Variants in ADAM22 observed in about 807,000 individuals in gnomAD.
The protein encoded by ADAM22 is ADAM metallopeptidase domain 22.
ADAM22 carries 65 observed loss-of-function variants against 144.6 expected under a neutral mutation model. The observed-to-expected ratio is 0.45, with a 90% CI of 0.37 to 0.55. The LOEUF is 0.55. Ranked by LOEUF, ADAM22 falls within the 20% of genes least tolerant of loss-of-function variation. ADAM22 has a pLI of 0.00. For synonymous variants in ADAM22, 391 were observed against 412.6 expected (o/e 0.95, Z 0.63); for missense variants, 974 against 1,184.9 (o/e 0.82, Z 2.61).
At chr7:88,135,389 A>G (rs532234337) in intron 13 of ADAM22, among the ~76,000 whole-genome samples, 7 of 151,704 alleles carry the variant, frequency 4.6e-5, no homozygotes, top group African/African-American at 1.7e-4. Flanking sequence ...TTAATTCTCC[A>G]GGTAATTCTA....
chr7:88,117,213 C>G (rs944004688), intron 7 of ADAM22, among the ~76,000 whole-genome samples: 1 of 152,064 alleles, frequency 6.6e-6, no homozygotes, highest in African/African-American at 2.4e-5. Context: ...TAAGAAAGAA[C>G]TATTATGGGT....
Position 88,006,196 on chromosome 7 carries a change from A to G in ADAM22, c.323+27784A>G, listed in dbSNP as rs189052217. Among the ~76,000 whole-genome samples, 22 of 152,286 alleles carry G rather than the reference A, an allele frequency of 1.4e-4. No homozygotes were observed. The East Asian group carries it at 3.9e-3, about 27-fold the overall frequency. ...GACACATACACTCTCCCAATACTAA[A>G]CCAGGAAGAAGTTGAATCTCTGAAT... On this transcript the variant is annotated intron_variant, in intron 3 of 31. Transcript: ENST00000413139.
chr7:88,121,937 G>T (rs1829407359), intron 7 of ADAM22, among the ~76,000 whole-genome samples: 1 of 152,146 alleles, frequency 6.6e-6, no homozygotes, highest in Non-Finnish European at 1.5e-5. Context: ...GAAAGTAGCT[G>T]AGTAATAAAT....
intron 27 of ADAM22, among the ~76,000 whole-genome samples, chr7:88,180,667 T>A (rs561154360): frequency 1.3e-5 from 2 of 152,222 alleles, no homozygotes; most frequent in South Asian, 4.1e-4. Context: ...TATAAAAGAG[T>A]TTAAAATATC....
At chr7:88,108,123 C>T (rs1824936245) in intron 4 of ADAM22, 53 bp from the exon 5 acceptor site, 1 of 1,456,970 alleles carries the variant, frequency 6.9e-7, no homozygotes, top group South Asian at 1.2e-5. Flanking sequence ...TGAAATGAAG[C>T]AGCTGATTCT....
intron 2 of ADAM22, among the ~76,000 whole-genome samples, chr7:87,963,672 G>A (rs932723586): frequency 6.6e-6 from 1 of 152,166 alleles, no homozygotes; most frequent in Admixed American, 6.5e-5. Context: ...GAAGAAAACA[G>A]TATCTGAGCC....
rs539074314 is a variant in ADAM22, at chr7:88,060,329, C to T, written c.324-15297C>T. On this transcript the variant is annotated intron_variant, in intron 3 of 31. Coordinates refer to ENST00000413139, the MANE Select transcript of ADAM22 (RefSeq NM_001324418.2). ...TGAGATGCTGTTTGATAGCAATTTA[C>T]GCATAGCAGAACTTCTTTCAGATTT... 9.2e-5 allele frequency among the ~76,000 whole-genome samples: 14 copies of T among 152,290 alleles called. No homozygotes were observed. The South Asian group carries it at 2.1e-3, about 23-fold the overall frequency.
At chr7:88,177,647 G>A (rs1846009318) in intron 26 of ADAM22, among the ~76,000 whole-genome samples, 1 of 152,064 alleles carries the variant, frequency 6.6e-6, no homozygotes, top group Non-Finnish European at 1.5e-5. Flanking sequence ...CAGATTCACA[G>A]ACGTGTGTAA....
At chr7:88,139,394 G>T (rs1162839465) in intron 14 of ADAM22, among the ~76,000 whole-genome samples, 2 of 150,952 alleles carry the variant, frequency 1.3e-5, no homozygotes, top group Non-Finnish European at 2.9e-5. Flanking sequence ...CTCCAGCCTG[G>T]GTGACAAGAG....
At chr7:87,973,202 G>A (rs929087369) in intron 2 of ADAM22, among the ~76,000 whole-genome samples, 2 of 151,944 alleles carry the variant, frequency 1.3e-5, no homozygotes, top group African/African-American at 4.8e-5. Context: ...TCTGACAAAG[G>A]GCTAATATCC....
chr7:88,129,762 C>A (rs1329837698), intron 9 of ADAM22, among the ~76,000 whole-genome samples: 1 of 152,012 alleles, frequency 6.6e-6, no homozygotes, highest in Non-Finnish European at 1.5e-5. Flanking sequence ...CTAAGGGGAG[C>A]AACTGCCTCT....
rs78577797 is a variant in ADAM22, at chr7:87,947,731, G to A, written c.246+12545G>A. ...ACTTGCGGTCTTTGATGAGTGTTTT[G>A]GGTGTTTTCTTAAGTGTTCTGATTA... On this transcript the variant is annotated intron_variant, in intron 2 of 31. Coordinates refer to ENST00000413139, the MANE Select transcript of ADAM22 (RefSeq NM_001324418.2). Among the ~76,000 whole-genome samples, 801 of 152,156 alleles carry A rather than the reference G, an allele frequency of 5.3e-3. 3 individuals are homozygous for A. The highest frequency in any genetic ancestry group is 0.019 in the African/African-American group (772 of 41,498).
At chr7:88,161,841 A>G (rs1841731714) in intron 22 of ADAM22, among the ~76,000 whole-genome samples, 1 of 152,036 alleles carries the variant, frequency 6.6e-6, no homozygotes, top group Non-Finnish European at 1.5e-5. Flanking sequence ...AAAGGGGAAC[A>G]TTTACACACC....
At chr7:88,013,922 G>A (rs568987175) in intron 3 of ADAM22, among the ~76,000 whole-genome samples, 1 of 152,266 alleles carries the variant, frequency 6.6e-6, no homozygotes, top group South Asian at 2.1e-4. Flanking sequence ...TTCATGGAAA[G>A]GATAAATATT....
intron 23 of ADAM22, among the ~76,000 whole-genome samples, chr7:88,164,797 C>T (rs1273033104): frequency 6.6e-6 from 1 of 152,064 alleles, no homozygotes; most frequent in African/African-American, 2.4e-5. Flanking sequence ...TACTGGGCAT[C>T]ATTGTCTGTT....
chr7:88,170,477 G>T (rs1342206904), intron 25 of ADAM22, among the ~76,000 whole-genome samples: 1 of 151,722 alleles, frequency 6.6e-6, no homozygotes, highest in Non-Finnish European at 1.5e-5. Context: ...AAAGTAGAAT[G>T]CTCATTTGGA....
intron 2 of ADAM22, among the ~76,000 whole-genome samples, chr7:87,973,947 G>A (rs187226817): frequency 1.3e-5 from 2 of 152,158 alleles, no homozygotes; most frequent in Admixed American, 6.5e-5. Flanking sequence ...GTGGGGTAGG[G>A]GTAGGGGGTG....
Position 88,165,909 on chromosome 7 carries a change from T to G in ADAM22, c.2154T>G (p.Asn718Lys), listed in dbSNP as rs1745359350. Residue 718 changes from asparagine to lysine, a missense_variant, in exon 24 of 32, where the codon AAT (asparagine) becomes AAG (lysine). Physicochemically the swap from Asn to Lys is moderately conservative, Grantham distance 94 (BLOSUM62 0). Transcript: ENST00000413139. ...GSDCNTYFPH[N>K]DDAKTGITLS... ...ATTGCAACACTTACTTCCCTCACAATGATGATGCAAAGACTGGTATCACTC... is the reference window on the plus strand; with the variant it reads ...ATTGCAACACTTACTTCCCTCACAAGGATGATGCAAAGACTGGTATCACTC... 6.2e-7 allele frequency: 1 copy of G among 1,611,760 alleles called. No homozygotes were observed. The highest frequency in any genetic ancestry group is 1.3e-5 in the African/African-American group (1 of 74,708).
At chr7:87,993,048 C>A in intron 3 of ADAM22, among the ~76,000 whole-genome samples, 1 of 152,164 alleles carries the variant, frequency 6.6e-6, no homozygotes, top group East Asian at 1.9e-4. Context: ...GAGAGGATCA[C>A]TGACCAAACA....
Sources: allele counts gnomAD v4.1 joint callset (sites outside exome capture counted in the v4.1 genomes callset), GRCh38; gene constraint gnomAD v4.1.1; transcripts MANE v1.5; gene names NCBI Gene and HGNC (gene_info 2026-07-23, HGNC 2026-07-21).